Variants in ESRRG observed in about 807,000 individuals in gnomAD.
ESRRG encodes estrogen-related receptor gamma.
Under a neutral mutation model 44.0 loss-of-function variants are expected in ESRRG, and 13 were observed. That is an observed-to-expected ratio of 0.30 (90% CI 0.19 to 0.47). The LOEUF (loss-of-function observed/expected upper bound fraction) is 0.47. ESRRG is among the 20% of genes least tolerant of loss of function. The probability of loss-of-function intolerance (pLI) is 1.00; values close to 1 mark genes in which losing one functional copy is unlikely to be tolerated. For missense variants in ESRRG, 395 were observed against 580.6 expected, an observed-to-expected ratio of 0.68 and a Z score of 3.29; for synonymous variants, 215 against 214.6, an observed-to-expected ratio of 1.00 and a Z score of -0.02.
At chr1:216,803,448 A>C (rs2094687315) in intron 2 of ESRRG, among the ~76,000 whole-genome samples, 1 of 152,156 alleles carries the variant, frequency 6.6e-6, no homozygotes, top group Non-Finnish European at 1.5e-5. Context: ...GACCATCAAT[A>C]AAATCCACTT....
At chr1:217,054,623 T>C (rs763891544) in intron 1 of ESRRG, among the ~76,000 whole-genome samples, 1 of 152,192 alleles carries the variant, frequency 6.6e-6, no homozygotes, top group East Asian at 1.9e-4. Flanking sequence ...TGGGACTAGA[T>C]CTTGCCACAA....
At chr1:216,549,841 T>C (rs1335705010) in intron 5 of ESRRG, among the ~76,000 whole-genome samples, 1 of 152,122 alleles carries the variant, frequency 6.6e-6, no homozygotes, top group Non-Finnish European at 1.5e-5. Flanking sequence ...GAGTTCTTGA[T>C]TGTTTTTGTT....
intron 2 of ESRRG, among the ~76,000 whole-genome samples, chr1:216,890,444 G>A (rs1386566853): frequency 1.3e-5 from 2 of 152,118 alleles, no homozygotes; most frequent in Non-Finnish European, 2.9e-5. Flanking sequence ...AGCTGCGGAT[G>A]CAAAAGTGAA....
At chr1:217,002,883 G>A (rs1283918920) in intron 1 of ESRRG, among the ~76,000 whole-genome samples, 1 of 152,090 alleles carries the variant, frequency 6.6e-6, no homozygotes, top group African/African-American at 2.4e-5. Context: ...AGCCCCATGA[G>A]TGACCATGAG....
At chr1:216,641,607 A>G (rs950751775) in intron 3 of ESRRG, among the ~76,000 whole-genome samples, 3 of 152,252 alleles carry the variant, frequency 2.0e-5, no homozygotes, top group Non-Finnish European at 4.4e-5. Flanking sequence ...AAACTCAGCC[A>G]GAGACTAAAG....
intron 3 of ESRRG, among the ~76,000 whole-genome samples, chr1:216,640,294 G>C (rs1470892479): frequency 2.0e-5 from 3 of 152,134 alleles, no homozygotes; most frequent in Non-Finnish European, 2.9e-5. Context: ...CTAGCACCGG[G>C]CACCTCAGAC....
intron 5 of ESRRG, among the ~76,000 whole-genome samples, chr1:216,558,056 T>A (rs1238070601): frequency 6.6e-6 from 1 of 152,052 alleles, no homozygotes; most frequent in Non-Finnish European, 1.5e-5. Context: ...GTATATTAGG[T>A]CAAAAACAAT....
At chr1:217,015,268 T>C (rs961660817) in intron 1 of ESRRG, among the ~76,000 whole-genome samples, 1 of 152,226 alleles carries the variant, frequency 6.6e-6, no homozygotes, top group Admixed American at 6.5e-5. Flanking sequence ...TTCACTGGTC[T>C]TTCTTTGCTT....
chr1:216,921,477 A>G (rs2061838023), intron 2 of ESRRG, among the ~76,000 whole-genome samples: 1 of 152,164 alleles, frequency 6.6e-6, no homozygotes, highest in Non-Finnish European at 1.5e-5. Context: ...GCGAACTCCT[A>G]CGAACTTGAC....
intron 2 of ESRRG, among the ~76,000 whole-genome samples, chr1:216,856,285 T>G (rs183047102): frequency 1.5e-4 from 23 of 151,938 alleles, no homozygotes; most frequent in South Asian, 8.3e-4. Context: ...GAAAGCATGC[T>G]CCTTACATTT....
chr1:216,878,544 T>C (rs2096393118), intron 2 of ESRRG, among the ~76,000 whole-genome samples: 1 of 152,224 alleles, frequency 6.6e-6, no homozygotes, highest in South Asian at 2.1e-4. Flanking sequence ...ACCTTCCACA[T>C]TTATCTCTAT....
At chr1:216,782,901 T>C (rs1286664168) in intron 2 of ESRRG, among the ~76,000 whole-genome samples, 1 of 152,102 alleles carries the variant, frequency 6.6e-6, no homozygotes, top group Non-Finnish European at 1.5e-5. Flanking sequence ...TTTTAATAGG[T>C]ATTCAATCTT....
chr1:216,627,139 G>A (rs1471384203), intron 3 of ESRRG, among the ~76,000 whole-genome samples: 1 of 152,162 alleles, frequency 6.6e-6, no homozygotes, highest in African/African-American at 2.4e-5. Flanking sequence ...GATACGGAGA[G>A]CCTTGTTCTT....
intron 1 of ESRRG, among the ~76,000 whole-genome samples, chr1:217,013,627 G>C (rs905241230): frequency 2.6e-5 from 4 of 152,160 alleles, no homozygotes; most frequent in Non-Finnish European, 5.9e-5. Flanking sequence ...TGTGACATTA[G>C]GCTTTAAATG....
rs575351170 is a variant in ESRRG, at chr1:216,959,099, CT to C, written c.-105-19427del. Among the ~76,000 whole-genome samples the C allele has an allele frequency of 7.8e-4, 118 of 151,882 alleles. 3 individuals carry two copies. The South Asian group carries it at 0.023, about 30-fold the overall frequency. ...TCTTCCTTCTTTCCTTCCTTCCCTCCTTCTCTCCTTCCTATTATTTATAGTT... is the reference window on the plus strand; with the variant it reads ...TCTTCCTTCTTTCCTTCCTTCCCTCCTCTCTCCTTCCTATTATTTATAGTT... On this transcript the variant is annotated intron_variant, in intron 1 of 7. Coordinates refer to the ESRRG transcript ENST00000359162.
At chr1:216,942,935 G>T (rs1391291021) in intron 1 of ESRRG, among the ~76,000 whole-genome samples, 1 of 152,048 alleles carries the variant, frequency 6.6e-6, no homozygotes, top group Non-Finnish European at 1.5e-5. Context: ...ATCAATTTTT[G>T]TTTTTGAATA....
chr1:216,889,756 T>TA (rs1415322249), intron 2 of ESRRG, among the ~76,000 whole-genome samples: 1 of 152,204 alleles, frequency 6.6e-6, no homozygotes, highest in African/African-American at 2.4e-5. Context: ...TGATTTCGCT[T>TA]TCCTGATAAA....
chr1:216,774,719 G>A (rs937119575), intron 2 of ESRRG, among the ~76,000 whole-genome samples: 3 of 151,650 alleles, frequency 2.0e-5, no homozygotes, highest in African/African-American at 7.3e-5. Flanking sequence ...AACTGTGACT[G>A]TGTACGAACA....
chr1:217,014,471 T>C (rs1191823208), intron 1 of ESRRG, among the ~76,000 whole-genome samples: 1 of 152,220 alleles, frequency 6.6e-6, no homozygotes, highest in Non-Finnish European at 1.5e-5. Context: ...CATAACTTTT[T>C]TCTTTAAAAC....
Sources: gnomAD v4.1 joint callset for allele counts (sites outside exome capture counted in the v4.1 genomes callset) on GRCh38, gnomAD v4.1.1 for gene constraint, MANE v1.5 for transcripts, NCBI Gene and HGNC (gene_info 2026-07-23, HGNC 2026-07-21) for gene names.